Variants in TMC2 observed in about 807,000 individuals in gnomAD.
TMC2 encodes transmembrane channel-like protein 2.
TMC2 carries 102 observed loss-of-function variants against 105.9 expected under a neutral mutation model. That is an observed-to-expected ratio of 0.96 (90% CI 0.82 to 1.14). The LOEUF is 1.14. Among genes scored for constraint, TMC2 ranks in the 50% most tolerant of loss-of-function variants. TMC2 has a pLI of 0.00. For synonymous variants in TMC2, 402 were observed against 422.8 expected, an observed-to-expected ratio of 0.95 and a Z score of 0.60; for missense variants, 1,093 against 1,134.3, an observed-to-expected ratio of 0.96 and a Z score of 0.52.
chr20:2,560,787 A>C (rs950099270), intron 3 of TMC2, among the ~76,000 whole-genome samples: 3 of 150,632 alleles, frequency 2.0e-5, no homozygotes, highest in Non-Finnish European at 4.4e-5. Context: ...CAGTGAGCCG[A>C]GATTGCGCCA....
At chr20:2,551,503 G>C (rs1179094007) in intron 2 of TMC2, among the ~76,000 whole-genome samples, 1 of 150,686 alleles carries the variant, frequency 6.6e-6, no homozygotes, top group Non-Finnish European at 1.5e-5. Context: ...TCATGCTTTT[G>C]GTATCGTATT....
chr20:2,574,741 T>A (rs887511172), intron 5 of TMC2, among the ~76,000 whole-genome samples: 19 of 152,090 alleles, frequency 1.2e-4, no homozygotes, highest in African/African-American at 3.9e-4. Flanking sequence ...TATTCCTTTG[T>A]TTTTTTGTTT....
At chr20:2,571,562 G>A (rs2086103076) in intron 4 of TMC2, among the ~76,000 whole-genome samples, 1 of 152,200 alleles carries the variant, frequency 6.6e-6, no homozygotes, top group South Asian at 2.1e-4. Context: ...CTTATACATT[G>A]TTGGTGGGAA....
At chr20:2,542,420 T>G (rs1327659512) in intron 2 of TMC2, among the ~76,000 whole-genome samples, 1 of 152,174 alleles carries the variant, frequency 6.6e-6, no homozygotes, top group African/African-American at 2.4e-5. Flanking sequence ...CTAAGAGTTG[T>G]CTCTGGAGTA....
At chr20:2,543,066 G>A (rs751014705) in intron 2 of TMC2, among the ~76,000 whole-genome samples, 49 of 151,896 alleles carry the variant, frequency 3.2e-4, no homozygotes, top group Non-Finnish European at 5.2e-4. Context: ...GTGAAACCCT[G>A]TCTCTACTAA....
At chr20:2,611,353 T>C (rs2086436943) in intron 12 of TMC2, among the ~76,000 whole-genome samples, 1 of 152,214 alleles carries the variant, frequency 6.6e-6, no homozygotes. Context: ...GTTCTAAGCA[T>C]GGAAGTGACT....
chr20:2,595,110 T>A (rs1334625235), intron 9 of TMC2, 143 bp downstream of exon 9: 1 of 974,862 alleles, frequency 1.0e-6, no homozygotes, highest in East Asian at 2.5e-5. Context: ...ACATTATAAT[T>A]TGTGGTATGA....
intron 17 of TMC2, 146 bp downstream of exon 17, chr20:2,624,542 T>C: frequency 3.0e-6 from 3 of 1,002,656 alleles, no homozygotes; most frequent in Non-Finnish European, 4.3e-6. Flanking sequence ...GTAAGTATTT[T>C]ATTAGGGAGG....
Position 2,572,172 on chromosome 20 carries a change from TAAGC to T in TMC2, c.555-5_555-2del. On this transcript the variant is annotated splice_polypyrimidine_tract_variant and splice_region_variant and intron_variant, in intron 4 of 19. Coordinates refer to ENST00000358864, the MANE Select transcript of TMC2 (RefSeq NM_080751.3). ...GAAATCCTGCTTTTTTTTTTTTTTCTAAGCAGGGAGGCCCAGGAATTTGTGGAGA... is the reference window on the plus strand; with the variant it reads ...GAAATCCTGCTTTTTTTTTTTTTTCTAGGGAGGCCCAGGAATTTGTGGAGA... The T allele has an allele frequency of 1.9e-6, 3 of 1,602,486 alleles. No individual in the cohort carries two copies. The highest frequency in any genetic ancestry group is 3.4e-5 in the Admixed American group (2 of 59,518).
chr20:2,610,891 G>T (rs759005578), intron 12 of TMC2, among the ~76,000 whole-genome samples: 5 of 152,022 alleles, frequency 3.3e-5, no homozygotes, highest in Non-Finnish European at 7.4e-5. Flanking sequence ...TTTCAGAGCT[G>T]CCATAAATGA....
chr20:2,632,710 C>G (rs2086612419), intron 17 of TMC2, among the ~76,000 whole-genome samples: 2 of 152,200 alleles, frequency 1.3e-5, no homozygotes, highest in South Asian at 4.1e-4. Flanking sequence ...CTGCCCCAGC[C>G]TCCCGAGTAG....
intron 14 of TMC2, chr20:2,613,586 C>A: frequency 4.7e-6 from 2 of 428,702 alleles, no homozygotes; most frequent in Non-Finnish European, 8.9e-6. Flanking sequence ...GGAAAGTGGA[C>A]CACACACTCC....
At chr20:2,623,962 T>G (rs768673996) in intron 16 of TMC2, among the ~76,000 whole-genome samples, 2 of 151,610 alleles carry the variant, frequency 1.3e-5, no homozygotes, top group South Asian at 2.1e-4. Flanking sequence ...TTAGAATACA[T>G]GAGGAAAACC....
At position 2,538,205 on chromosome 20, in the gene TMC2, G is replaced by T. The variant is rs1190011678; in HGVS notation, c.82+889G>T. ...TGTCGGGAGCCTGAGCTTCAGTGAG[G>T]CCGCTGTGTTACAAGGGGAGAGACC... On this transcript the variant is annotated intron_variant, in intron 2 of 19. Coordinates refer to ENST00000358864, the MANE Select transcript of TMC2 (RefSeq NM_080751.3). 2.0e-5 allele frequency among the ~76,000 whole-genome samples: 3 copies of T among 152,102 alleles called. No individual in the cohort carries two copies. In the East Asian group the frequency reaches 5.8e-4, roughly 29 times the overall value.
chr20:2,573,745 A>G (rs868392988), intron 5 of TMC2, among the ~76,000 whole-genome samples: 3 of 142,790 alleles, frequency 2.1e-5, no homozygotes, highest in Non-Finnish European at 4.6e-5. Flanking sequence ...TGTTTTTAGT[A>G]GAGACGGGGT....
intron 4 of TMC2, among the ~76,000 whole-genome samples, chr20:2,569,705 A>T (rs961486551): frequency 6.6e-6 from 1 of 152,240 alleles, no homozygotes; most frequent in Non-Finnish European, 1.5e-5. Flanking sequence ...TCTGTAGGTC[A>T]GAAGTCCAGC....
At position 2,594,888 on chromosome 20, in the gene TMC2, C is replaced by T. The variant is rs778363400; in HGVS notation, c.997C>T (p.Leu333=). 9 of 1,614,002 alleles carry T rather than the reference C, an allele frequency of 5.6e-6. No homozygotes were observed. Among genetic ancestry groups the T allele is most frequent in the East Asian group, 2.2e-5 (1 of 44,882 alleles). The change falls in exon 9 of 20, where the codon CTG becomes TTG. Residue 333 remains leucine, a synonymous_variant. Coordinates refer to ENST00000358864, the MANE Select transcript of TMC2 (RefSeq NM_080751.3). ...YYNNQRTIGW[L]RYRLPMAYFM... is the part of the protein sequence containing the mutation. ...CAACAACCAGAGGACCATCGGGTGG[C>T]TGAGGTACCGGCTGCCTATGGCTTA...
At chr20:2,563,383 T>C (rs1298934783) in intron 4 of TMC2, among the ~76,000 whole-genome samples, 2 of 152,226 alleles carry the variant, frequency 1.3e-5, no homozygotes, top group South Asian at 2.1e-4. Context: ...TTTAGGCCAG[T>C]GCTGCTGAGC....
In TMC2 at chr20:2,592,882, C is replaced by G. The variant is rs2086279342; in HGVS notation, c.933+474C>G. On this transcript the variant is annotated intron_variant, in intron 8 of 19. Coordinates refer to ENST00000358864, the MANE Select transcript of TMC2 (RefSeq NM_080751.3). This position sits in a 1 kb window ranked among gnomAD's most constrained non-coding sequence, Gnocchi z 4.9. Reference sequence around the variant, plus strand: ...TTCATCCAATCATCCATGTCTGAAGCCTGAAAATCATCCCACGCTTCTACC... The same window carrying G: ...TTCATCCAATCATCCATGTCTGAAGGCTGAAAATCATCCCACGCTTCTACC... Among the ~76,000 whole-genome samples the G allele has an allele frequency of 6.6e-6, 1 of 152,158 alleles. No individual in the cohort carries two copies. Among genetic ancestry groups the G allele is most frequent in the South Asian group, 2.1e-4 (1 of 4,822 alleles).
Sources: allele counts gnomAD v4.1 joint callset (sites outside exome capture counted in the v4.1 genomes callset), GRCh38; gene constraint gnomAD v4.1.1; non-coding constraint Gnocchi (gnomAD v3.1); transcripts MANE v1.5; gene names NCBI Gene and HGNC (gene_info 2026-07-23, HGNC 2026-07-21).